Variants in PCDHA9 observed in about 807,000 individuals in gnomAD.
PCDHA9 encodes the protein protocadherin alpha 9.
A neutral mutation model predicts 62.0 loss-of-function variants in PCDHA9; 62 were observed. That is an observed-to-expected ratio of 1.00 (90% CI 0.81 to 1.23). The LOEUF is 1.23. Among genes scored for constraint, PCDHA9 ranks in the 50% most tolerant of loss-of-function variants. The pLI, the probability that PCDHA9 is intolerant of heterozygous loss-of-function variation, is 0.00. For missense variants in PCDHA9, 1,205 were observed against 1,249.8 expected (o/e 0.96, Z 0.54); for synonymous variants, 557 against 567.6 (o/e 0.98, Z 0.27).
At chr5:140,920,481 G>T (rs2079651233) in intron 1 of PCDHA9, among the ~76,000 whole-genome samples, 1 of 151,886 alleles carries the variant, frequency 6.6e-6, no homozygotes, top group Non-Finnish European at 1.5e-5. Context: ...TATGTTTTTG[G>T]TCCAACAATA....
chr5:140,857,141 G>A, intron 1 of PCDHA9: 3 of 1,598,268 alleles, frequency 1.9e-6, no homozygotes, highest in Non-Finnish European at 2.6e-6. Flanking sequence ...TGCTCAAGTG[G>A]GCACCGTCAT....
At chr5:140,871,131 G>A (rs781968741) in intron 1 of PCDHA9, 2 of 1,613,386 alleles carry the variant, frequency 1.2e-6, no homozygotes, top group South Asian at 2.2e-5. Flanking sequence ...AGGCGCCAAA[G>A]GCCTCTTCCC....
intron 1 of PCDHA9, among the ~76,000 whole-genome samples, chr5:140,924,127 A>G (rs2081688492): frequency 6.6e-6 from 1 of 152,252 alleles, no homozygotes; most frequent in African/African-American, 2.4e-5. Flanking sequence ...CTTGCTTAGC[A>G]GCATTAATTT....
chr5:140,927,051 G>T, intron 1 of PCDHA9: 1 of 1,612,116 alleles, frequency 6.2e-7, no homozygotes, highest in South Asian at 1.1e-5. Flanking sequence ...TGTCCTCGCG[G>T]AACTTTCGCT....
intron 1 of PCDHA9, chr5:140,857,025 A>G: frequency 6.3e-7 from 1 of 1,596,330 alleles, no homozygotes; most frequent in Non-Finnish European, 8.6e-7. Flanking sequence ...GATAAGGGAA[A>G]CCCACCTATG....
intron 3 of PCDHA9, among the ~76,000 whole-genome samples, chr5:141,005,572 C>T (rs548748234): frequency 4.6e-5 from 7 of 151,094 alleles, no homozygotes; most frequent in East Asian, 1.9e-4. Context: ...CATGGTGGCG[C>T]GTGCCTGTAG....
chr5:140,867,956 C>T (rs1581824842), intron 1 of PCDHA9: 1 of 151,940 alleles, frequency 6.6e-6, no homozygotes, highest in East Asian at 1.9e-4. Context: ...GCTCCCAAAC[C>T]CAAAATTCTT....
intron 1 of PCDHA9, among the ~76,000 whole-genome samples, chr5:140,889,326 G>A (rs2062188363): frequency 6.6e-6 from 1 of 151,922 alleles, no homozygotes; most frequent in African/African-American, 2.4e-5. Flanking sequence ...TCTGTATCAG[G>A]ATTTTGATTG....
intron 1 of PCDHA9, chr5:140,863,343 G>A (rs781977341): frequency 6.7e-6 from 9 of 1,338,226 alleles, no homozygotes; most frequent in Non-Finnish European, 5.2e-6. Context: ...CGTTGCTGCT[G>A]TACACGACGC....
chr5:140,981,185 T>C (rs2096921770), intron 2 of PCDHA9, among the ~76,000 whole-genome samples: 1 of 152,224 alleles, frequency 6.6e-6, no homozygotes. Flanking sequence ...TAGTTCAAGT[T>C]TGCCTGCTCT....
At chr5:140,923,423 G>A (rs533295733) in intron 1 of PCDHA9, among the ~76,000 whole-genome samples, 1 of 152,142 alleles carries the variant, frequency 6.6e-6, no homozygotes. Context: ...GGCTACTTGG[G>A]AGGCTGGGGT....
At chr5:140,927,409 A>T (rs1554204480) in intron 1 of PCDHA9, 4 of 1,614,120 alleles carry the variant, frequency 2.5e-6, no homozygotes, top group Non-Finnish European at 3.4e-6. Context: ...TCGCCTGGAC[A>T]TGGGATCGCG....
intron 1 of PCDHA9, among the ~76,000 whole-genome samples, chr5:140,906,586 C>G (rs1199094981): frequency 6.6e-6 from 1 of 152,218 alleles, no homozygotes; most frequent in African/African-American, 2.4e-5. Context: ...TGATGACTAC[C>G]TTCCTCTACT....
At chr5:140,890,226 G>C (rs1339541830) in intron 1 of PCDHA9, among the ~76,000 whole-genome samples, 7 of 152,100 alleles carry the variant, frequency 4.6e-5, no homozygotes, top group Admixed American at 4.6e-4. Context: ...AGACCTAGTT[G>C]TTAAGCATTT....
Position 140,849,822 on chromosome 5 carries a change from G to A in PCDHA9, c.1327G>A (p.Val443Met). 6.3e-7 allele frequency: 1 copy of A among 1,598,624 alleles called. No homozygotes were observed. The highest frequency in any genetic ancestry group is 2.2e-5 in the East Asian group (1 of 44,842). ...ACTGTGGGCCACGGCCAGGGTGTCT[G>A]TGGAGGTGGCCGACGTGAACGACAA... ...PSLWATARVSVEVADVNDNAP... is the reference protein window; with the variant it reads ...PSLWATARVSMEVADVNDNAP... Residue 443 changes from valine to methionine, a missense_variant, in exon 1 of 4, where the codon GTG (valine) becomes ATG (methionine). Val to Met is a conservative substitution (Grantham distance 21, BLOSUM62 1). This residue lies in a region of PCDHA9 where 887 missense variants were observed against 809.5 expected (regional missense o/e 1.10). Transcript: ENST00000532602.
At chr5:140,915,258 A>T (rs2077046977) in intron 1 of PCDHA9, among the ~76,000 whole-genome samples, 1 of 151,928 alleles carries the variant, frequency 6.6e-6, no homozygotes, top group South Asian at 2.1e-4. Context: ...GGTTGTTATT[A>T]TTTTTGACCA....
intron 1 of PCDHA9, chr5:140,857,003 G>C: frequency 6.3e-7 from 1 of 1,595,436 alleles, no homozygotes; most frequent in Non-Finnish European, 8.6e-7. Context: ...TGAAATTCAT[G>C]TAGATGTTAC....
chr5:140,981,924 C>T (rs2096957761), intron 2 of PCDHA9, among the ~76,000 whole-genome samples: 1 of 151,968 alleles, frequency 6.6e-6, no homozygotes, highest in African/African-American at 2.4e-5. Flanking sequence ...TCAAGTTTCT[C>T]TAGTCTCAGG....
intron 1 of PCDHA9, among the ~76,000 whole-genome samples, chr5:140,948,886 T>C (rs892848820): frequency 6.6e-6 from 1 of 151,684 alleles, no homozygotes; most frequent in Non-Finnish European, 1.5e-5. Context: ...TGCTCTCTTT[T>C]AGATTTTAAG....
Sources: allele counts gnomAD v4.1 joint callset (sites outside exome capture counted in the v4.1 genomes callset), GRCh38; gene constraint gnomAD v4.1.1; regional missense constraint gnomAD v4.1.1; transcripts MANE v1.5; gene names NCBI Gene and HGNC (gene_info 2026-07-23, HGNC 2026-07-21).